The following DGKB variants were observed in gnomAD, a reference collection of about 807,000 sequenced individuals.
DGKB encodes the protein diacylglycerol kinase beta.
In DGKB, 67 loss-of-function variants were observed where a neutral mutation model predicts 114.3. The observed-to-expected ratio is 0.59, with a 90% confidence interval of 0.48 to 0.72. The LOEUF (loss-of-function observed/expected upper bound fraction) is 0.72, where lower values mean the gene tolerates loss of function less well. Ranked by LOEUF, DGKB falls within the 30% of genes least tolerant of loss-of-function variation. DGKB has a pLI of 0.00. For missense variants in DGKB, 907 were observed against 975.2 expected, an observed-to-expected ratio of 0.93 and a Z score of 0.93; for synonymous variants, 398 against 323.1, an observed-to-expected ratio of 1.23 and a Z score of -2.49.
intron 21 of DGKB, among the ~76,000 whole-genome samples, chr7:14,385,655 T>G (rs1820215072): frequency 6.6e-6 from 1 of 152,186 alleles, no homozygotes; most frequent in Admixed American, 6.5e-5. Context: ...CTTCTCAAAT[T>G]AATGTGATCA....
intron 25 of DGKB, among the ~76,000 whole-genome samples, chr7:14,162,432 A>G: frequency 6.6e-6 from 1 of 152,198 alleles, no homozygotes; most frequent in Non-Finnish European, 1.5e-5. Context: ...CATTTTTATC[A>G]TATTTACAGG....
chr7:14,425,459 C>G (rs1367778), intron 21 of DGKB, among the ~76,000 whole-genome samples: 34,252 of 151,904 alleles, frequency 0.23, 4,667 homozygotes, highest in East Asian at 0.49. Context: ...AAAAAAAATG[C>G]CATTTTCATA....
intron 1 of DGKB, among the ~76,000 whole-genome samples, chr7:14,867,122 T>A (rs999012060): frequency 6.6e-6 from 1 of 152,220 alleles, no homozygotes; most frequent in Non-Finnish European, 1.5e-5. Context: ...GTAATTTGGA[T>A]AAAAGTCCTT....
intron 18 of DGKB, among the ~76,000 whole-genome samples, chr7:14,582,720 C>T (rs1800134044): frequency 6.6e-6 from 1 of 152,090 alleles, no homozygotes; most frequent in Admixed American, 6.6e-5. Context: ...TTCGCACAGA[C>T]TTTATCACAA....
chr7:14,848,312 G>A (rs955323275), intron 1 of DGKB, among the ~76,000 whole-genome samples: 2 of 152,144 alleles, frequency 1.3e-5, no homozygotes, highest in African/African-American at 4.8e-5. Flanking sequence ...CCTGTATTTT[G>A]GCTTGAGTGC....
At chr7:14,201,267 T>C (rs1247074283) in intron 23 of DGKB, among the ~76,000 whole-genome samples, 1 of 151,076 alleles carries the variant, frequency 6.6e-6, no homozygotes, top group Non-Finnish European at 1.5e-5. Context: ...ACCACCCTCA[T>C]AACTTAATCA....
chr7:14,743,949 G>A (rs559506066), intron 4 of DGKB, among the ~76,000 whole-genome samples: 4 of 152,254 alleles, frequency 2.6e-5, no homozygotes, highest in East Asian at 1.9e-4. Context: ...AAGGGAAAAC[G>A]TACAGGACTC....
chr7:14,687,156 T>G (rs971197293), intron 9 of DGKB, among the ~76,000 whole-genome samples: 1 of 152,168 alleles, frequency 6.6e-6, no homozygotes, highest in Non-Finnish European at 1.5e-5. Context: ...AACTCAAACG[T>G]GAAGCTCCTG....
chr7:14,218,300 T>A (rs1789332600), intron 23 of DGKB, among the ~76,000 whole-genome samples: 1 of 152,130 alleles, frequency 6.6e-6, no homozygotes, highest in South Asian at 2.1e-4. Flanking sequence ...TTAGCTATGA[T>A]ACTTGAAGTC....
chr7:14,180,836 C>A (rs1274618826), intron 23 of DGKB, among the ~76,000 whole-genome samples: 1 of 152,104 alleles, frequency 6.6e-6, no homozygotes, highest in African/African-American at 2.4e-5. Flanking sequence ...TTTGGAACAT[C>A]AGACTTCCTC....
At chr7:14,761,101 T>C (rs1323738834) in intron 2 of DGKB, among the ~76,000 whole-genome samples, 1 of 151,312 alleles carries the variant, frequency 6.6e-6, no homozygotes, top group South Asian at 2.1e-4. Context: ...TCTAATATCT[T>C]AATATTTGAA....
intron 23 of DGKB, among the ~76,000 whole-genome samples, chr7:14,302,538 CTAGG>C (rs1013083190): frequency 7.2e-5 from 11 of 152,180 alleles, no homozygotes; most frequent in African/African-American, 2.4e-4. Flanking sequence ...TCGTTTTACT[CTAGG>C]TACATGGAAT....
chr7:14,301,704 T>C lies in DGKB; in HGVS notation c.2122+36811A>G, dbSNP rs200155340. ...GAATAGGTGTGTACACACACACACA[T>C]ACACACACATTTGAAGGCTTAGAAG... On this transcript the variant is annotated intron_variant, in intron 23 of 25. Coordinates refer to ENST00000402815, the MANE Select transcript of DGKB (RefSeq NM_001350709.2). 3.6e-3 allele frequency among the ~76,000 whole-genome samples: 549 copies of C among 152,132 alleles called. 1 individual carries two copies. The highest frequency in any genetic ancestry group is 6.8e-3 in the Middle Eastern group (2 of 294).
chr7:14,689,751 A>G (rs575699435), intron 9 of DGKB, among the ~76,000 whole-genome samples: 23 of 152,352 alleles, frequency 1.5e-4, no homozygotes, highest in Middle Eastern at 3.4e-3. Flanking sequence ...AGACAGCAGA[A>G]CAAAAACTCT....
chr7:14,816,130 A>G (rs894572696), intron 2 of DGKB, among the ~76,000 whole-genome samples: 3 of 152,150 alleles, frequency 2.0e-5, no homozygotes, highest in Non-Finnish European at 4.4e-5. Context: ...CAGGAGGGCG[A>G]GACCAGCCTG....
chr7:14,793,789 T>C (rs1159061277), intron 2 of DGKB, among the ~76,000 whole-genome samples: 1 of 152,106 alleles, frequency 6.6e-6, no homozygotes, highest in African/African-American at 2.4e-5. Flanking sequence ...AGCGTTATTT[T>C]TGGGTGTCTC....
chr7:14,942,959 T>C (rs1322610318), intron 1 of DGKB, among the ~76,000 whole-genome samples: 1 of 151,964 alleles, frequency 6.6e-6, no homozygotes, highest in African/African-American at 2.4e-5. Context: ...TCTGTTTTTA[T>C]CCCTAGAATA....
At chr7:14,519,408 T>A (rs865819000) in intron 20 of DGKB, among the ~76,000 whole-genome samples, 4 of 152,142 alleles carry the variant, frequency 2.6e-5, no homozygotes, top group Admixed American at 6.6e-5. Context: ...TACCATGTTA[T>A]AGCACATAGC....
At position 14,531,649 on chromosome 7, in the gene DGKB, C is replaced by A. The variant is rs1041063246; in HGVS notation, c.1770+42563G>T. ...AAAATAAATGTAATAAAATCCTTATCAAAATGACAGCAGATTTTTTTTTTG... is the reference window on the plus strand; with the variant it reads ...AAAATAAATGTAATAAAATCCTTATAAAAATGACAGCAGATTTTTTTTTTG... On this transcript the variant is annotated intron_variant, in intron 20 of 25. Coordinates refer to ENST00000402815, the MANE Select transcript of DGKB (RefSeq NM_001350709.2). Among the ~76,000 whole-genome samples, 3 of 130,486 alleles carry A rather than the reference C, an allele frequency of 2.3e-5. No individual in the cohort carries two copies. In the Admixed American group the frequency reaches 2.5e-4, roughly 11 times the overall value. The allele number at this position is 130,486 out of a possible 152,430, so 85.6% of individuals were successfully genotyped here.
Sources: gnomAD v4.1 joint callset for allele counts (sites outside exome capture counted in the v4.1 genomes callset) on GRCh38, gnomAD v4.1.1 for gene constraint, MANE v1.5 for transcripts, NCBI Gene and HGNC (gene_info 2026-07-23, HGNC 2026-07-21) for gene names.